The following MTUS2 variants were observed in gnomAD, a reference collection of about 807,000 sequenced individuals.
MTUS2 encodes microtubule associated scaffold protein 2, also known as microtubule-associated tumor suppressor candidate 2.
In MTUS2, 40 loss-of-function variants were observed where a neutral mutation model predicts 114.1. The ratio of observed to expected loss-of-function variants is 0.35; its 90% CI spans 0.27 to 0.46. The LOEUF (loss-of-function observed/expected upper bound fraction) is 0.46, where lower values mean the gene tolerates loss of function less well. MTUS2 is among the 20% of genes least tolerant of loss of function. The pLI, the probability that MTUS2 is intolerant of heterozygous loss-of-function variation, is 1.00. For synonymous variants in MTUS2, 688 were observed against 672.0 expected, an observed-to-expected ratio of 1.02 and a Z score of -0.37; for missense variants, 1,679 against 1,705.4, an observed-to-expected ratio of 0.98 and a Z score of 0.27.
intron 2 of MTUS2, among the ~76,000 whole-genome samples, chr13:28,850,055 G>A (rs1417643624): frequency 6.6e-6 from 1 of 152,124 alleles, no homozygotes; most frequent in Non-Finnish European, 1.5e-5. Context: ...GGAACAGGCC[G>A]TAAGGATGGG....
intron 8 of MTUS2, among the ~76,000 whole-genome samples, chr13:29,384,619 G>A (rs1485031211): frequency 1.3e-5 from 2 of 152,194 alleles, no homozygotes; most frequent in Admixed American, 6.5e-5. Context: ...CGTGTTCTGT[G>A]TGGTTTGTTC....
chr13:28,969,167 A>G (rs572067524), intron 2 of MTUS2, among the ~76,000 whole-genome samples: 3 of 152,242 alleles, frequency 2.0e-5, no homozygotes, highest in African/African-American at 7.2e-5. Flanking sequence ...TTAGCCTCCC[A>G]AATAGCTGGG....
chr13:29,187,380 G>C (rs750699347), intron 5 of MTUS2, among the ~76,000 whole-genome samples: 8 of 151,996 alleles, frequency 5.3e-5, no homozygotes, highest in Non-Finnish European at 7.4e-5. Context: ...TTAAAGAGAA[G>C]ACTCAAATGA....
intron 2 of MTUS2, among the ~76,000 whole-genome samples, chr13:28,927,517 A>T (rs1462817797): frequency 6.6e-6 from 1 of 152,158 alleles, no homozygotes; most frequent in Non-Finnish European, 1.5e-5. Context: ...AGTGAGCTGT[A>T]ATTGCACCAC....
At chr13:29,060,055 G>A (rs1888337774) in intron 4 of MTUS2, among the ~76,000 whole-genome samples, 1 of 152,232 alleles carries the variant, frequency 6.6e-6, no homozygotes, top group Non-Finnish European at 1.5e-5. Context: ...ACAGGAGGCT[G>A]CAGCTGCCAG....
intron 8 of MTUS2, among the ~76,000 whole-genome samples, chr13:29,395,089 T>G (rs1271782447): frequency 6.6e-6 from 1 of 152,198 alleles, no homozygotes; most frequent in Non-Finnish European, 1.5e-5. Context: ...TAAAATACTT[T>G]GATTTCTTTC....
At chr13:29,255,512 TAAAATC>T (rs560312175) in intron 5 of MTUS2, among the ~76,000 whole-genome samples, 70 of 152,186 alleles carry the variant, frequency 4.6e-4, no homozygotes, top group Non-Finnish European at 3.5e-4. Context: ...GTCTGGAAAA[TAAAATC>T]AAAGACTAAG....
intron 5 of MTUS2, among the ~76,000 whole-genome samples, chr13:29,143,955 A>G (rs1368008731): frequency 6.6e-6 from 1 of 152,228 alleles, no homozygotes; most frequent in Non-Finnish European, 1.5e-5. Flanking sequence ...TGGAATGCAG[A>G]AGTGCCATAG....
chr13:29,242,442 A>C (rs1896764952), intron 5 of MTUS2: 1 of 172,580 alleles, frequency 5.8e-6, no homozygotes, highest in African/African-American at 2.4e-5. Context: ...TTATGGATAT[A>C]CTACCTTGTA....
chr13:29,407,903 A>G (rs779061047), intron 8 of MTUS2, among the ~76,000 whole-genome samples: 6 of 152,154 alleles, frequency 3.9e-5, no homozygotes, highest in Non-Finnish European at 8.8e-5. Flanking sequence ...TCGGTGTCAT[A>G]TTGTGGCTTT....
intron 2 of MTUS2, among the ~76,000 whole-genome samples, chr13:28,910,076 A>G (rs1175721765): frequency 4.6e-5 from 7 of 152,030 alleles, no homozygotes; most frequent in South Asian, 2.1e-4. Context: ...CAATTAAACT[A>G]TTACTGACTG....
intron 2 of MTUS2, among the ~76,000 whole-genome samples, chr13:28,947,537 C>T (rs1283714940): frequency 5.9e-5 from 9 of 151,824 alleles, no homozygotes; most frequent in Non-Finnish European, 7.4e-5. Flanking sequence ...TGAGATCTTT[C>T]GGCTTTTGCA....
At chr13:29,152,642 T>A (rs1237280844) in intron 5 of MTUS2, among the ~76,000 whole-genome samples, 1 of 152,052 alleles carries the variant, frequency 6.6e-6, no homozygotes, top group African/African-American at 2.4e-5. Context: ...GACAGAGACC[T>A]CCCTCAGTTT....
chr13:29,274,575 G>T (rs1171452057), intron 5 of MTUS2, among the ~76,000 whole-genome samples: 1 of 152,112 alleles, frequency 6.6e-6, no homozygotes, highest in Non-Finnish European at 1.5e-5. Flanking sequence ...GTTTGAAGTG[G>T]TATCTCATTG....
intron 9 of MTUS2, among the ~76,000 whole-genome samples, chr13:29,465,440 C>T (rs1879819191): frequency 6.6e-6 from 1 of 152,194 alleles, no homozygotes; most frequent in South Asian, 2.1e-4. Flanking sequence ...GCTTTACTTA[C>T]CGCAGCACTG....
chr13:29,175,167 T>C (rs1043074886), intron 5 of MTUS2, among the ~76,000 whole-genome samples: 2 of 152,164 alleles, frequency 1.3e-5, no homozygotes, highest in Non-Finnish European at 2.9e-5. Context: ...AACAGAAAAA[T>C]TGACCCTGAA....
In MTUS2 at chr13:29,118,340, G is replaced by A. The variant is rs567956985; in HGVS notation, c.2644+17370G>A. On this transcript the variant is annotated intron_variant, in intron 5 of 15. Transcript: ENST00000612955. ...ATGATTCTTATTACTCTTCCAGGGT[G>A]AGGTTAGTGATGGACACTGGGCTGG... 4.6e-5 allele frequency among the ~76,000 whole-genome samples: 7 copies of A among 152,134 alleles called. No homozygotes were observed. The East Asian group carries it at 1.2e-3, about 25-fold the overall frequency.
intron 2 of MTUS2, among the ~76,000 whole-genome samples, chr13:28,997,201 A>C (rs1469972619): frequency 6.6e-6 from 1 of 152,104 alleles, no homozygotes; most frequent in African/African-American, 2.4e-5. Flanking sequence ...GTAGTTGAGC[A>C]GTTTTGAGTG....
chr13:29,013,068 C>T (rs1429103926), intron 2 of MTUS2, among the ~76,000 whole-genome samples: 1 of 152,162 alleles, frequency 6.6e-6, no homozygotes, highest in African/African-American at 2.4e-5. Flanking sequence ...ACAACAAAAA[C>T]CTTGTGTGAT....
Sources: allele counts gnomAD v4.1 joint callset (sites outside exome capture counted in the v4.1 genomes callset), GRCh38; gene constraint gnomAD v4.1.1; transcripts MANE v1.5; gene names NCBI Gene and HGNC (gene_info 2026-07-23, HGNC 2026-07-21).